The following CDH19 variants were observed in gnomAD, a reference collection of about 807,000 sequenced individuals.
CDH19 encodes the protein cadherin-19.
Under a neutral mutation model 64.2 loss-of-function variants are expected in CDH19, and 67 were observed. The ratio of observed to expected loss-of-function variants is 1.04; its 90% CI spans 0.86 to 1.28. The LOEUF is 1.28. Ranked by LOEUF, CDH19 falls within the 50% of genes most tolerant of loss-of-function variation. The probability of loss-of-function intolerance (pLI) is 0.00; values close to 1 mark genes in which losing one functional copy is unlikely to be tolerated. For synonymous variants in CDH19, 346 were observed against 319.3 expected (o/e 1.08, Z -0.89); for missense variants, 1,030 against 929.0 (o/e 1.11, Z -1.41).
At chr18:66,577,279 C>T (rs938019081) in intron 1 of CDH19, among the ~76,000 whole-genome samples, 2 of 151,874 alleles carry the variant, frequency 1.3e-5, no homozygotes, top group Non-Finnish European at 2.9e-5. Context: ...CTTAGAATAA[C>T]TCAAAGAACA....
At chr18:66,568,907 G>A (rs936925921) in intron 2 of CDH19, among the ~76,000 whole-genome samples, 197 bp from the exon 3 acceptor site, 1 of 151,582 alleles carries the variant, frequency 6.6e-6, no homozygotes, top group Non-Finnish European at 1.5e-5. Flanking sequence ...TGAATATTTA[G>A]TGTAAAGAAC....
chr18:66,562,556 A>T (rs1257440790), intron 3 of CDH19, among the ~76,000 whole-genome samples: 6 of 152,034 alleles, frequency 3.9e-5, no homozygotes, highest in African/African-American at 1.4e-4. Flanking sequence ...CTAAGAGGCC[A>T]CAGACAAGCA....
chr18:66,505,490 T>C (rs1431912615), intron 11 of CDH19, among the ~76,000 whole-genome samples, 188 bp from the exon 12 acceptor site: 1 of 149,670 alleles, frequency 6.7e-6, no homozygotes, highest in African/African-American at 2.4e-5. Context: ...TCACGATTTT[T>C]CTGGCTGATG....
At chr18:66,584,069 T>C (rs1021772593) in intron 1 of CDH19, among the ~76,000 whole-genome samples, 6 of 151,982 alleles carry the variant, frequency 3.9e-5, no homozygotes, top group Admixed American at 3.9e-4. Context: ...ACAGGAAAAC[T>C]ACAGAATGAG....
At chr18:66,507,386 T>G (rs1006389864) in intron 11 of CDH19, among the ~76,000 whole-genome samples, 14 of 151,886 alleles carry the variant, frequency 9.2e-5, no homozygotes, top group African/African-American at 2.9e-4. Flanking sequence ...GAGTGGTCAG[T>G]TTGACATTTC....
Position 66,568,640 on chromosome 18 carries a change from G to A in CDH19, c.266C>T (p.Thr89Ile), listed in dbSNP as rs114375304. The change falls in exon 3 of 12, where the codon ACT (threonine) becomes ATT (isoleucine). Residue 89 changes from threonine (T) to isoleucine (I), a missense_variant. Coordinates refer to ENST00000262150, the MANE Select transcript of CDH19 (RefSeq NM_021153.4). ...ACCTGTTCTTTCATCAATGATAAAA[G>A]TACTTCCAGCTCCAGCTCCCAAAAG... ...YKLLGAGAGS[T>I]FIIDERTGDI... The A allele has an allele frequency of 2.9e-3, 4,725 of 1,611,456 alleles. 118 individuals are homozygous for A. In the African/African-American group the frequency reaches 0.056, roughly 19 times the overall value.
At chr18:66,533,940 C>A (rs2144435397) in intron 8 of CDH19, among the ~76,000 whole-genome samples, 1 of 151,828 alleles carries the variant, frequency 6.6e-6, no homozygotes, top group East Asian at 1.9e-4. Context: ...ATTGATTTCA[C>A]AGTAGTAAAA....
rs139472770 is a variant in CDH19 at position 66,535,100 on chromosome 18, T to C, written c.1222A>G (p.Ile408Val). The C allele has an allele frequency of 1.3e-4, 190 of 1,467,194 alleles. No homozygotes were observed. In the African/African-American group the frequency reaches 2.5e-3, roughly 19 times the overall value. 90.9% of individuals were successfully genotyped at this position (1,467,194 alleles called of 1,614,324 possible). A position where few individuals can be genotyped will look rare whatever the true frequency, so the allele number is the denominator to read the frequency against. ...ATATTGAACACTTTGCTCCTAGTAA[T>C]AGAATACCTGAACCAAAAGGAAAGT... is the stretch of plus-strand genomic sequence containing the variant. ...DNRKSPIRYS[I>V]TRSKVFNIND... is the part of the protein sequence containing the mutation. The change falls in exon 8 of 12, where the codon ATT (isoleucine) becomes GTT (valine). Residue 408 changes from isoleucine to valine, a missense_variant. Physicochemically the swap from Ile to Val is conservative, Grantham distance 29 (BLOSUM62 3). Transcript: ENST00000262150.
chr18:66,530,161 A>C (rs1425193368), intron 8 of CDH19, among the ~76,000 whole-genome samples, 195 bp from the exon 9 acceptor site: 1 of 152,100 alleles, frequency 6.6e-6, no homozygotes, highest in African/African-American at 2.4e-5. Flanking sequence ...TGCTCAATAT[A>C]TTCAAACCAA....
chr18:66,530,008 A>G (rs775947898), intron 8 of CDH19, 42 bp from the exon 9 acceptor site: 1 of 1,060,772 alleles, frequency 9.4e-7, no homozygotes, highest in Non-Finnish European at 1.3e-6. Context: ...ACATATTTTA[A>G]TATGTCTTTA....
intron 3 of CDH19, among the ~76,000 whole-genome samples, chr18:66,556,611 G>A (rs1291716345): frequency 6.6e-6 from 1 of 151,820 alleles, no homozygotes; most frequent in African/African-American, 2.4e-5. Flanking sequence ...CTTCTTTGAT[G>A]AGACTTAATA....
intron 1 of CDH19, among the ~76,000 whole-genome samples, chr18:66,601,775 G>C (rs1437353423): frequency 2.0e-5 from 3 of 151,796 alleles, no homozygotes; most frequent in Non-Finnish European, 2.9e-5. Context: ...ACAGGCTTTA[G>C]AGCATTTAGC....
intron 1 of CDH19, among the ~76,000 whole-genome samples, chr18:66,587,492 A>T (rs1988611727): frequency 6.6e-6 from 1 of 152,160 alleles, no homozygotes; most frequent in Non-Finnish European, 1.5e-5. Context: ...ACAAATAAAA[A>T]AAAGAAGAAC....
At chr18:66,540,470 G>A (rs1986845235) in intron 7 of CDH19, among the ~76,000 whole-genome samples, 3 of 152,066 alleles carry the variant, frequency 2.0e-5, no homozygotes, top group Admixed American at 1.3e-4. Context: ...AATTACCATA[G>A]ACTGGGCAGC....
In CDH19 at chr18:66,556,482, C is replaced by CT. The variant is rs1183069574; in HGVS notation, c.491-1959dup. 5.3e-5 allele frequency among the ~76,000 whole-genome samples: 8 copies of CT among 151,626 alleles called. No homozygotes were observed. In the South Asian group the frequency reaches 1.0e-3, roughly 20 times the overall value. The stretch of plus-strand genomic sequence containing the variant: ...TTATTCTCTATCTTTCTATATTGAA[C>CT]TTTTTTTAGATTCCACATATAAATA... On this transcript the variant is annotated intron_variant, in intron 3 of 11. Coordinates refer to ENST00000262150, the MANE Select transcript of CDH19 (RefSeq NM_021153.4).
intron 1 of CDH19, among the ~76,000 whole-genome samples, chr18:66,576,384 C>T (rs1599029548): frequency 6.6e-6 from 1 of 151,088 alleles, no homozygotes; most frequent in Non-Finnish European, 1.5e-5. Context: ...GCTACAATGG[C>T]CATAATATTA....
chr18:66,581,400 T>C (rs1170921716), intron 1 of CDH19, among the ~76,000 whole-genome samples: 1 of 152,060 alleles, frequency 6.6e-6, no homozygotes, highest in Admixed American at 6.6e-5. Flanking sequence ...AATCCCTAGA[T>C]AGCTGGTTAA....
At chr18:66,538,566 G>T (rs1986764825) in intron 7 of CDH19, among the ~76,000 whole-genome samples, 1 of 151,936 alleles carries the variant, frequency 6.6e-6, no homozygotes, top group African/African-American at 2.4e-5. Flanking sequence ...AGTTATTGGA[G>T]ATCATGTATA....
At chr18:66,579,525 C>T (rs1435438743) in intron 1 of CDH19, among the ~76,000 whole-genome samples, 1 of 151,928 alleles carries the variant, frequency 6.6e-6, no homozygotes, top group African/African-American at 2.4e-5. Flanking sequence ...TTTTATCACA[C>T]TCACCACAAG....
Sources: allele counts gnomAD v4.1 joint callset (sites outside exome capture counted in the v4.1 genomes callset), GRCh38; gene constraint gnomAD v4.1.1; transcripts MANE v1.5; gene names NCBI Gene and HGNC (gene_info 2026-07-23, HGNC 2026-07-21).